Variants in MISP observed in about 807,000 individuals in gnomAD.
The protein encoded by MISP is mitotic spindle positioning, also known as mitotic interactor and substrate of PLK1.
MISP carries 51 observed loss-of-function variants against 49.3 expected under a neutral mutation model. That is an observed-to-expected ratio of 1.03 (90% CI 0.83 to 1.31). MISP has a LOEUF of 1.31. Among genes scored for constraint, MISP ranks in the 50% most tolerant of loss-of-function variants. The pLI is 0.00. For missense variants in MISP, 1,084 were observed against 935.1 expected (o/e 1.16, Z -2.08); for synonymous variants, 444 against 392.6 (o/e 1.13, Z -1.55).
chr19:758,843 C>T, intron 2 of MISP, 117 bp downstream of exon 2: 1 of 760,028 alleles, frequency 1.3e-6, no homozygotes, highest in Non-Finnish European at 2.1e-6. Context: ...GAGACATTGC[C>T]TCCTGACTGT....
In MISP at chr19:757,745, T is replaced by G. The variant is rs147260983; in HGVS notation, c.799T>G (p.Trp267Gly). ...EENKVRAVPT[W>G]ASVQVVDDPG... ...GAACAAGGTGCGTGCTGTGCCCACC[T>G]GGGCCAGTGTCCAAGTTGTGGATGA... is the stretch of plus-strand genomic sequence containing the variant. The change falls in exon 2 of 5, where the codon TGG becomes GGG. Residue 267 changes from tryptophan (W) to glycine (G), a missense_variant. Trp to Gly is a radical substitution (Grantham distance 184). Transcript: ENST00000215582. 6 of 1,613,698 alleles carry G rather than the reference T, an allele frequency of 3.7e-6. No homozygotes were observed. The highest frequency in any genetic ancestry group is 1.3e-5 in the African/African-American group (1 of 74,938).
chr19:757,127 G>A lies in MISP; in HGVS notation c.181G>A (p.Val61Met), dbSNP rs202159312. Residue 61 changes from valine to methionine, a missense_variant, in exon 2 of 5, where the codon GTG becomes ATG. Val to Met is a conservative substitution (Grantham distance 21). Coordinates refer to ENST00000215582, the MANE Select transcript of MISP (RefSeq NM_173481.4). ...WPTDHRAQQG[V>M]QRQGVSYSVH... ...CACTGACCACAGGGCCCAGCAGGGC[G>A]TGCAGAGGCAGGGGGTGTCCTACAG... The A allele has an allele frequency of 3.2e-5, 52 of 1,613,300 alleles. No homozygotes were observed. The East Asian group carries it at 9.1e-4, about 28-fold the overall frequency.
upstream of MISP, among the ~76,000 whole-genome samples, chr19:750,225 G>A (rs928711213): frequency 3.0e-5 from 3 of 100,868 alleles, no homozygotes; most frequent in African/African-American, 1.3e-4. Flanking sequence ...TTGAGTTGGA[G>A]TTTTGCTCTT....
At chr19:751,935 G>T (rs2033465665) in intron 1 of MISP, among the ~76,000 whole-genome samples, 2 of 152,282 alleles carry the variant, frequency 1.3e-5, no homozygotes, top group East Asian at 1.9e-4. Flanking sequence ...CCAACTGGCT[G>T]ATGAGGAAGG....
At position 757,374 on chromosome 19, in the gene MISP, G is replaced by C; in HGVS notation, c.428G>C (p.Arg143Pro). ...AGGCTGTGTGACCTGGAGCGGGAGC[G>C]CTGGGCCGTCATCCAGGGCCAGGCA... ...PRRLCDLERE[R>P]WAVIQGQAVR... The change falls in exon 2 of 5, where the codon CGC becomes CCC. Residue 143 changes from arginine to proline, a missense_variant. Physicochemically the swap from Arg to Pro is moderately radical, Grantham distance 103. Transcript: ENST00000215582. The C allele has an allele frequency of 1.9e-6, 3 of 1,611,958 alleles. No individual in the cohort carries two copies. Among genetic ancestry groups the C allele is most frequent in the African/African-American group, 1.3e-5 (1 of 74,998 alleles).
chr19:754,045 C>G (rs948938113), intron 1 of MISP, among the ~76,000 whole-genome samples: 2 of 152,136 alleles, frequency 1.3e-5, no homozygotes, highest in African/African-American at 4.8e-5. Flanking sequence ...CTGCTGGACA[C>G]GGTGGCTCAC....
At chr19:752,449 G>A (rs1252732702) in intron 1 of MISP, among the ~76,000 whole-genome samples, 9 of 152,012 alleles carry the variant, frequency 5.9e-5, no homozygotes, top group Non-Finnish European at 8.8e-5. Context: ...GTGTGAATCC[G>A]GGAGGCAGAG....
rs144203277 is a variant in MISP, at chr19:758,397, C to T, written c.1451C>T (p.Ala484Val). ...AAACCCCTGAGCACAAAGCAAGAGG[C>T]ATCGAAGCCCCCTCGGGGATGCCCG... ...SGKPLSTKQE[A>V]SKPPRGCPQA... The change falls in exon 2 of 5, where the codon GCA (alanine) becomes GTA (valine). Residue 484 changes from alanine (A) to valine (V), a missense_variant. Transcript: ENST00000215582. 2.5e-6 allele frequency: 4 copies of T among 1,614,234 alleles called. No homozygotes were observed. Among genetic ancestry groups the T allele is most frequent in the Non-Finnish European group, 2.5e-6 (3 of 1,180,036 alleles).
rs911469680 is a variant in MISP at position 759,663 on chromosome 19, G to A, written c.1781-246G>A. Among the ~76,000 whole-genome samples, 6 of 152,234 alleles carry A rather than the reference G, an allele frequency of 3.9e-5. No individual in the cohort carries two copies. In the East Asian group the frequency reaches 5.8e-4, roughly 15 times the overall value. ...GATCCACCCACCTCGGCCTCCCAAA[G>A]TGCTGGGATTACAGGCGTGAGCCAC... On this transcript the variant is annotated intron_variant, in intron 2 of 4. Coordinates refer to ENST00000215582, the MANE Select transcript of MISP (RefSeq NM_173481.4).
rs556427973 is a variant in MISP at position 763,092 on chromosome 19, A to T, written c.1951-409A>T. Among the ~76,000 whole-genome samples the T allele has an allele frequency of 3.4e-3, 511 of 152,290 alleles. 5 individuals are homozygous for T. Among genetic ancestry groups the T allele is most frequent in the African/African-American group, 0.012 (500 of 41,554 alleles). Reference sequence around the variant, plus strand: ...ATCATGAGGTCAGGAGATCGAGACCATGGTGAAACCCCATCTCTACTAAAA... The same window carrying T: ...ATCATGAGGTCAGGAGATCGAGACCTTGGTGAAACCCCATCTCTACTAAAA... On this transcript the variant is annotated intron_variant, in intron 4 of 4. Coordinates refer to ENST00000215582, the MANE Select transcript of MISP (RefSeq NM_173481.4).
chr19:756,996 G>A lies in MISP; in HGVS notation c.50G>A (p.Arg17His), dbSNP rs1052701345. Residue 17 changes from arginine (R) to histidine (H), a missense_variant, in exon 2 of 5, where the codon CGT becomes CAT. Physicochemically the swap from Arg to His is conservative, Grantham distance 29 (BLOSUM62 0). Coordinates refer to ENST00000215582, the MANE Select transcript of MISP (RefSeq NM_173481.4). ...ATCCTGGGCATCCCTCAGGCACACC[G>A]TGGCACCGGCCTGGTGCTGGATGGA... ...YPILGIPQAH[R>H]GTGLVLDGDT... 28 of 1,599,488 alleles carry A rather than the reference G, an allele frequency of 1.8e-5. No homozygotes were observed. The highest frequency in any genetic ancestry group is 1.0e-4 in the Admixed American group (6 of 58,340).
At position 757,836 on chromosome 19, in the gene MISP, T is replaced by C; in HGVS notation, c.890T>C (p.Ile297Thr). 6.2e-7 allele frequency: 1 copy of C among 1,610,796 alleles called. No homozygotes were observed. Among genetic ancestry groups the C allele is most frequent in the Non-Finnish European group, 8.5e-7 (1 of 1,178,644 alleles). Reference sequence around the variant, plus strand: ...AAGGAGACGCCCATCGAGCGGGAGATCCGTCTGGCTCAGGAGCGTGAGGCA... The same window carrying C: ...AAGGAGACGCCCATCGAGCGGGAGACCCGTCTGGCTCAGGAGCGTGAGGCA... ...TPKETPIERE[I>T]RLAQEREADL... Residue 297 changes from isoleucine to threonine, a missense_variant, in exon 2 of 5, where the codon ATC (isoleucine) becomes ACC (threonine). Coordinates refer to ENST00000215582, the MANE Select transcript of MISP (RefSeq NM_173481.4).
Position 763,614 on chromosome 19 carries a change from C to A in MISP, c.*24C>A. 6.4e-7 allele frequency: 1 copy of A among 1,551,424 alleles called. No homozygotes were observed. The highest frequency in any genetic ancestry group is 8.9e-7 in the Non-Finnish European group (1 of 1,127,116). On this transcript the variant is annotated 3_prime_UTR_variant, in exon 5 of 5. Coordinates refer to ENST00000215582, the MANE Select transcript of MISP (RefSeq NM_173481.4). The stretch of plus-strand genomic sequence containing the variant: ...GAGCCTCGGGATGGGGCGCCCACCC[C>A]CTGCCCTGCCCTGACCCTCGTGGGA...
chr19:762,487 A>G (rs2033689023), intron 4 of MISP, among the ~76,000 whole-genome samples: 1 of 148,572 alleles, frequency 6.7e-6, no homozygotes, highest in Admixed American at 6.7e-5. Flanking sequence ...TCCTGACCTC[A>G]GGTAATCCTC....
chr19:757,856 G>A lies in MISP; in HGVS notation c.910G>A (p.Glu304Lys). ...GGAGATCCGTCTGGCTCAGGAGCGT[G>A]AGGCAGACCTGCGAGAGCAGAGGGG... The part of the protein sequence containing the change: ...EREIRLAQER[E>K]ADLREQRGLR... The change falls in exon 2 of 5, where the codon GAG (glutamate) becomes AAG (lysine). Residue 304 changes from glutamate (E) to lysine (K), a missense_variant. Physicochemically the swap from Glu to Lys is moderately conservative, Grantham distance 56 (BLOSUM62 1). Coordinates refer to ENST00000215582, the MANE Select transcript of MISP (RefSeq NM_173481.4). 6.2e-7 allele frequency: 1 copy of A among 1,611,318 alleles called. No homozygotes were observed. Among genetic ancestry groups the A allele is most frequent in the South Asian group, 1.1e-5 (1 of 91,050 alleles).
intron 3 of MISP, 87 bp from the exon 4 acceptor site, chr19:761,538 A>G: frequency 6.8e-7 from 1 of 1,478,850 alleles, no homozygotes; most frequent in Non-Finnish European, 9.4e-7. Flanking sequence ...CCAAATGGTG[A>G]CAGAGAGGGC....
At position 758,676 on chromosome 19, in the gene MISP, C is replaced by T. The variant is rs184245064; in HGVS notation, c.1730C>T (p.Thr577Met). The T allele has an allele frequency of 4.3e-5, 70 of 1,614,204 alleles. 1 individual carries two copies. The highest frequency in any genetic ancestry group is 1.5e-4 in the South Asian group (14 of 91,082). ...CTCTTCCCAGAGGTCTTCTCCCCAA[C>T]GCCAGATGAGAACTCTGACCAGAAC... ...NALFPEVFSP[T>M]PDENSDQNSR... Residue 577 changes from threonine to methionine, a missense_variant, in exon 2 of 5, where the codon ACG (threonine) becomes ATG (methionine). Coordinates refer to ENST00000215582, the MANE Select transcript of MISP (RefSeq NM_173481.4).
chr19:761,325 C>T (rs903991065), intron 3 of MISP, among the ~76,000 whole-genome samples: 4 of 151,318 alleles, frequency 2.6e-5, no homozygotes, highest in African/African-American at 9.7e-5. Context: ...CACCACCGCA[C>T]TCCAGCCTGG....
rs377478363 is a variant in MISP at position 757,574 on chromosome 19, G to T, written c.628G>T (p.Ala210Ser). The T allele has an allele frequency of 4.3e-6, 7 of 1,612,764 alleles. No individual in the cohort carries two copies. The South Asian group carries it at 5.5e-5, about 13-fold the overall frequency. Residue 210 changes from alanine (A) to serine (S), a missense_variant, in exon 2 of 5, where the codon GCC (alanine) becomes TCC (serine). Transcript: ENST00000215582. ...FLSLEQANKG[A>S]PHSSPARGTP... ...GAGTCTGGAGCAGGCGAACAAGGGG[G>T]CCCCTCATAGCTCCCCGGCCAGGGG...
Sources: gnomAD v4.1 joint callset for allele counts (sites outside exome capture counted in the v4.1 genomes callset) on GRCh38, gnomAD v4.1.1 for gene constraint, MANE v1.5 for transcripts, NCBI Gene and HGNC (gene_info 2026-07-23, HGNC 2026-07-21) for gene names.